PITPNM2: variants seen among roughly 807,000 people sequenced by gnomAD.
The protein encoded by PITPNM2 is phosphatidylinositol transfer protein membrane associated 2, also known as membrane-associated phosphatidylinositol transfer protein 2.
Under a neutral mutation model 132.2 loss-of-function variants are expected in PITPNM2, and 35 were observed. The observed-to-expected ratio is 0.26, with a 90% CI of 0.20 to 0.35. PITPNM2 has a LOEUF of 0.35. PITPNM2 is among the 10% of genes least tolerant of loss of function. The pLI, the probability that PITPNM2 is intolerant of heterozygous loss-of-function variation, is 1.00. For synonymous variants in PITPNM2, 738 were observed against 799.2 expected, an observed-to-expected ratio of 0.92 and a Z score of 1.29; for missense variants, 1,332 against 1,912.0, an observed-to-expected ratio of 0.70 and a Z score of 5.66.
At position 123,038,015 on chromosome 12, in the gene PITPNM2, G is replaced by C. The variant is rs1401630658; in HGVS notation, c.-95-3330C>G. ...GAGACAGAGAGGGAACACACACCTG[G>C]AGGGCCCAGAGGCCCCTTGGAGGCT... is the stretch of plus-strand genomic sequence containing the variant. On this transcript the variant is annotated intron_variant, in intron 2 of 25. Coordinates refer to ENST00000320201, the MANE Select transcript of PITPNM2 (RefSeq NM_020845.3). Among the ~76,000 whole-genome samples the C allele has an allele frequency of 2.0e-5, 3 of 151,986 alleles. No homozygotes were observed. The East Asian group carries it at 5.8e-4, about 29-fold the overall frequency.
At chr12:123,041,804 C>T (rs761466826) in intron 2 of PITPNM2, among the ~76,000 whole-genome samples, 2 of 152,050 alleles carry the variant, frequency 1.3e-5, no homozygotes, top group African/African-American at 2.4e-5. Context: ...TCTGGGTGGT[C>T]GCCCACATGC....
intron 2 of PITPNM2, among the ~76,000 whole-genome samples, chr12:123,035,678 C>A (rs112733123): frequency 0.072 from 10,724 of 149,284 alleles, 1,279 homozygotes; most frequent in African/African-American, 0.25. Context: ...AAAAAAAAAA[C>A]AAAAACTTGG....
In PITPNM2 at chr12:123,031,031, T is replaced by C. The variant is rs2040069580; in HGVS notation, c.78+3482A>G. Among the ~76,000 whole-genome samples the C allele has an allele frequency of 1.3e-5, 2 of 152,146 alleles. No individual in the cohort carries two copies. Among genetic ancestry groups the C allele is most frequent in the South Asian group, 4.1e-4 (2 of 4,828 alleles). On this transcript the variant is annotated intron_variant, in intron 3 of 25. Transcript: ENST00000320201. The surrounding 1 kb of genome is among the most constrained non-coding windows in gnomAD (Gnocchi z 4.5). ...CTGTTTAATGGATATGGGGTTTCTTTCTGGGGTGATGAAAGTGTTTTGGAA... is the reference window on the plus strand; with the variant it reads ...CTGTTTAATGGATATGGGGTTTCTTCCTGGGGTGATGAAAGTGTTTTGGAA...
chr12:123,069,066 A>AGTTTGT (rs879574514), intron 2 of PITPNM2, among the ~76,000 whole-genome samples: 3 of 152,096 alleles, frequency 2.0e-5, no homozygotes, highest in Admixed American at 6.6e-5. Flanking sequence ...TAGCCTGGGC[A>AGTTTGT]ATATGGTGAG....
rs1445285725 is a variant in PITPNM2, at chr12:123,078,577, CCT to C, written c.-96+31806_-96+31807del. ...TGTGGATTTCCACCTGCCCGGCCTC[CCT>C]GTTTCTAAAAATCTGTTGCCAAATC... is the stretch of plus-strand genomic sequence containing the variant. On this transcript the variant is annotated intron_variant, in intron 2 of 25. Coordinates refer to ENST00000320201, the MANE Select transcript of PITPNM2 (RefSeq NM_020845.3). The surrounding 1 kb of genome is among the most constrained non-coding windows in gnomAD (Gnocchi z 7.3). Among the ~76,000 whole-genome samples the C allele has an allele frequency of 9.9e-5, 15 of 152,170 alleles. No homozygotes were observed. Among genetic ancestry groups the C allele is most frequent in the Non-Finnish European group, 2.9e-5 (2 of 68,020 alleles).
chr12:123,112,963 C>T (rs182923839), intron 1 of PITPNM2, among the ~76,000 whole-genome samples: 23 of 152,290 alleles, frequency 1.5e-4, no homozygotes, highest in Admixed American at 1.5e-3. Context: ...ATTTTCAGAT[C>T]CCTGACTCTG....
chr12:123,102,136 G>A (rs960333379), intron 2 of PITPNM2, among the ~76,000 whole-genome samples: 4 of 152,208 alleles, frequency 2.6e-5, no homozygotes, highest in Non-Finnish European at 5.9e-5. Flanking sequence ...AGAAATGCAA[G>A]GAAGTCCCCA....
chr12:122,995,448 C>T lies in PITPNM2; in HGVS notation c.1995G>A (p.Arg665=), dbSNP rs779611739. ...CCAGCTCGTAGGTGGATGAGTCGCT[C>T]CTCTTGCGGGGCAGTTGCCTTTTGG... ...EDPKRQLPRK[R]SDSSTYELDT... The change falls in exon 14 of 26, where the codon AGG becomes AGA. Residue 665 remains arginine (R), a synonymous_variant. Transcript: ENST00000320201. 4.3e-6 allele frequency: 7 copies of T among 1,613,738 alleles called. No individual in the cohort carries two copies. The highest frequency in any genetic ancestry group is 5.9e-6 in the Non-Finnish European group (7 of 1,179,902).
At chr12:122,991,763 C>G in intron 16 of PITPNM2, 1 of 1,297,558 alleles carries the variant, frequency 7.7e-7, no homozygotes, top group Non-Finnish European at 9.8e-7. Context: ...ACACTCGGCA[C>G]AGCCCGGGCG....
intron 2 of PITPNM2, among the ~76,000 whole-genome samples, chr12:123,071,564 C>T (rs1328329507): frequency 2.0e-5 from 3 of 152,214 alleles, no homozygotes; most frequent in Non-Finnish European, 4.4e-5. Flanking sequence ...GCTAAGACAC[C>T]GCACTGGCTC....
chr12:123,052,992 C>A (rs1454212953), intron 2 of PITPNM2, among the ~76,000 whole-genome samples: 1 of 152,004 alleles, frequency 6.6e-6, no homozygotes, highest in African/African-American at 2.4e-5. Context: ...GCAACCCTCC[C>A]CCTTCAGCCT....
At chr12:123,065,935 G>C (rs1458094800) in intron 2 of PITPNM2, among the ~76,000 whole-genome samples, 2 of 152,216 alleles carry the variant, frequency 1.3e-5, no homozygotes, top group Non-Finnish European at 2.9e-5. Flanking sequence ...GTGCTTCCCA[G>C]AGCAAGATTG....
At position 122,989,941 on chromosome 12, in the gene PITPNM2, G is replaced by T; in HGVS notation, c.2577C>A (p.Pro859=). Residue 859 remains proline (P), a synonymous_variant, in exon 18 of 26, where the codon CCC becomes CCA. Transcript: ENST00000320201. ...CGCTGGGGGTATGGCTGAGCGCATCGGGGGCCTCTGAGAAGCAAGAGCAAT... is the reference window on the plus strand; with the variant it reads ...CGCTGGGGGTATGGCTGAGCGCATCTGGGGCCTCTGAGAAGCAAGAGCAAT... ...YTASSIAQKA[P]DALSHTPSVR... 1 of 1,304,538 alleles carries T rather than the reference G, an allele frequency of 7.7e-7. No individual in the cohort carries two copies. The allele number at this position is 1,304,538 out of a possible 1,614,324, so 80.8% of individuals were successfully genotyped here.
chr12:123,073,792 G>C (rs1357679497), intron 2 of PITPNM2, among the ~76,000 whole-genome samples: 1 of 152,226 alleles, frequency 6.6e-6, no homozygotes, highest in Admixed American at 6.5e-5. Context: ...TGGGGCAAGT[G>C]AGTGGTAGGG....
In PITPNM2 at chr12:122,990,307, A is replaced by C. The variant is rs558647376; in HGVS notation, c.2569+238T>G. Among the ~76,000 whole-genome samples, 9 of 152,362 alleles carry C rather than the reference A, an allele frequency of 5.9e-5. No homozygotes were observed. The East Asian group carries it at 1.5e-3, about 26-fold the overall frequency. On this transcript the variant is annotated intron_variant, in intron 17 of 25. Transcript: ENST00000320201. ...GCCTTCTTCCAGAATCCTCCTGAGA[A>C]GGCGAAGCTTCTCAGCCTAGACACT...
chr12:123,130,653 G>A (rs1185224486), intron 1 of PITPNM2, among the ~76,000 whole-genome samples: 3 of 152,114 alleles, frequency 2.0e-5, no homozygotes, highest in Non-Finnish European at 2.9e-5. Context: ...GGTGGCGGGC[G>A]CCTGTAGTCC....
At position 123,117,958 on chromosome 12, in the gene PITPNM2, G is replaced by A. The variant is rs1417472926; in HGVS notation, c.-199-7470C>T. 1.3e-5 allele frequency among the ~76,000 whole-genome samples: 2 copies of A among 152,202 alleles called. No individual in the cohort carries two copies. The highest frequency in any genetic ancestry group is 4.8e-5 in the African/African-American group (2 of 41,442). On this transcript the variant is annotated intron_variant, in intron 1 of 25. Coordinates refer to ENST00000320201, the MANE Select transcript of PITPNM2 (RefSeq NM_020845.3). The surrounding 1 kb of genome is among the most constrained non-coding windows in gnomAD (Gnocchi z 4.7). ...TGCTTACCAGCCAGCTGACTGCACA[G>A]ATTCACTGGAGAACTCCAGGGGAGC...
chr12:122,994,873 C>G lies in PITPNM2; in HGVS notation c.2161G>C (p.Asp721His), dbSNP rs770772233. Residue 721 changes from aspartate (D) to histidine (H), a missense_variant, in exon 15 of 26, where the codon GAC becomes CAC. This residue lies in a region of PITPNM2 where 710 missense variants were observed against 911.5 expected (regional missense o/e 0.78). Transcript: ENST00000320201. This position sits in a 1 kb window ranked among gnomAD's most constrained non-coding sequence, Gnocchi z 5.4. ...ALGRFDFEIT[D>H]LFLFGCPLGL... ...AGCGGGCACCCGAAGAGGAAGAGGTCGGTGATCTCAAAGTCAAACCTGCCC... is the reference window on the plus strand; with the variant it reads ...AGCGGGCACCCGAAGAGGAAGAGGTGGGTGATCTCAAAGTCAAACCTGCCC... The G allele has an allele frequency of 1.2e-6, 2 of 1,612,280 alleles. No individual in the cohort carries two copies. Among genetic ancestry groups the G allele is most frequent in the South Asian group, 1.1e-5 (1 of 91,042 alleles).
chr12:123,095,453 T>A lies in PITPNM2; in HGVS notation c.-96+14932A>T, dbSNP rs1423797045. Among the ~76,000 whole-genome samples, 1 of 152,172 alleles carries A rather than the reference T, an allele frequency of 6.6e-6. No homozygotes were observed. Among genetic ancestry groups the A allele is most frequent in the African/African-American group, 2.4e-5 (1 of 41,438 alleles). On this transcript the variant is annotated intron_variant, in intron 2 of 25. Transcript: ENST00000320201. This position sits in a 1 kb window ranked among gnomAD's most constrained non-coding sequence, Gnocchi z 5.0. ...TACAGGCTCTGTTAAAGCGCAAAGA[T>A]CTTTCAGGTACTCAACAAAGCAAGA...
Sources: allele counts gnomAD v4.1 joint callset (sites outside exome capture counted in the v4.1 genomes callset), GRCh38; gene constraint gnomAD v4.1.1; regional missense constraint gnomAD v4.1.1; non-coding constraint Gnocchi (gnomAD v3.1); transcripts MANE v1.5; gene names NCBI Gene and HGNC (gene_info 2026-07-23, HGNC 2026-07-21).